The following PHLPP1 variants were observed in gnomAD, a reference collection of about 807,000 sequenced individuals.
PHLPP1 encodes the protein PH domain and leucine rich repeat protein phosphatase 1, also known as PH domain leucine-rich repeat-containing protein phosphatase 1.
In PHLPP1, 42 loss-of-function variants were observed where a neutral mutation model predicts 117.2. The ratio of observed to expected loss-of-function variants is 0.36; its 90% CI spans 0.28 to 0.46. The LOEUF (loss-of-function observed/expected upper bound fraction) is 0.46, where lower values mean the gene tolerates loss of function less well. Ranked by LOEUF, PHLPP1 falls within the 20% of genes least tolerant of loss-of-function variation. The pLI is 1.00. For synonymous variants in PHLPP1, 1,042 were observed against 970.7 expected, an observed-to-expected ratio of 1.07 and a Z score of -1.37; for missense variants, 2,084 against 2,241.9, an observed-to-expected ratio of 0.93 and a Z score of 1.42.
Position 62,943,894 on chromosome 18 carries a change from G to A in PHLPP1, c.3162-1215G>A, listed in dbSNP as rs185956480. On this transcript the variant is annotated intron_variant, in intron 11 of 16. Transcript: ENST00000262719. ...TCATAGATGGATTACTTCATAGTCTGTGTACATATTGTTTGTAGTCTATTC... is the reference window on the plus strand; with the variant it reads ...TCATAGATGGATTACTTCATAGTCTATGTACATATTGTTTGTAGTCTATTC... Among the ~76,000 whole-genome samples, 24 of 152,186 alleles carry A rather than the reference G, an allele frequency of 1.6e-4. No individual in the cohort carries two copies. The East Asian group carries it at 4.4e-3, about 28-fold the overall frequency.
chr18:62,901,901 T>G (rs755491834), intron 6 of PHLPP1, among the ~76,000 whole-genome samples: 14 of 152,192 alleles, frequency 9.2e-5, no homozygotes, highest in Non-Finnish European at 1.5e-4. Flanking sequence ...GTGCTGGGAT[T>G]ACAGGTGTGA....
chr18:62,883,101 A>G (rs1195873654), intron 4 of PHLPP1, among the ~76,000 whole-genome samples: 1 of 152,188 alleles, frequency 6.6e-6, no homozygotes, highest in African/African-American at 2.4e-5. Flanking sequence ...AAAATAAAAT[A>G]TATATACATG....
chr18:62,884,403 G>T (rs549110536), intron 4 of PHLPP1, among the ~76,000 whole-genome samples: 2 of 152,198 alleles, frequency 1.3e-5, no homozygotes, highest in Non-Finnish European at 2.9e-5. Context: ...TTGTTAAAAT[G>T]AGCATTATTG....
chr18:62,841,024 A>C (rs1478765929), intron 3 of PHLPP1, among the ~76,000 whole-genome samples: 1 of 151,262 alleles, frequency 6.6e-6, no homozygotes, highest in East Asian at 2.0e-4. Flanking sequence ...TGAGTAGCTG[A>C]GATTAAAGGC....
chr18:62,805,812 A>T (rs537601643), intron 1 of PHLPP1, among the ~76,000 whole-genome samples: 67 of 151,898 alleles, frequency 4.4e-4, no homozygotes, highest in African/African-American at 1.5e-3. Context: ...TCCTGTGTTA[A>T]TATCTAGGTA....
chr18:62,816,366 C>G (rs967532371), intron 1 of PHLPP1, among the ~76,000 whole-genome samples: 13 of 152,082 alleles, frequency 8.5e-5, no homozygotes, highest in African/African-American at 2.7e-4. Flanking sequence ...GAGTTCAAGA[C>G]CAGCCCAAGT....
chr18:62,929,287 A>T (rs1170445827), intron 10 of PHLPP1, among the ~76,000 whole-genome samples: 1 of 152,208 alleles, frequency 6.6e-6, no homozygotes, highest in Non-Finnish European at 1.5e-5. Flanking sequence ...GTATACACAC[A>T]CCATAAAATT....
At chr18:62,951,627 T>A (rs1910460769) in intron 12 of PHLPP1, among the ~76,000 whole-genome samples, 1 of 152,088 alleles carries the variant, frequency 6.6e-6, no homozygotes, top group Non-Finnish European at 1.5e-5. Flanking sequence ...TTCAAGTCTC[T>A]TTTTCAGTCT....
intron 4 of PHLPP1, among the ~76,000 whole-genome samples, chr18:62,886,195 T>G (rs1468310745): frequency 6.6e-6 from 1 of 152,226 alleles, no homozygotes; most frequent in Non-Finnish European, 1.5e-5. Flanking sequence ...ATCAGCTTGA[T>G]TCTACCATCT....
intron 13 of PHLPP1, among the ~76,000 whole-genome samples, chr18:62,959,945 CCT>C (rs1338740819): frequency 6.6e-6 from 1 of 152,050 alleles, no homozygotes; most frequent in Non-Finnish European, 1.5e-5. Flanking sequence ...ATGTATGAAA[CCT>C]CGGCCTAAAC....
intron 4 of PHLPP1, among the ~76,000 whole-genome samples, chr18:62,883,762 A>G (rs1916221593): frequency 6.6e-6 from 1 of 152,240 alleles, no homozygotes; most frequent in South Asian, 2.1e-4. Context: ...TGGTGCATAT[A>G]CTGTACATTA....
At chr18:62,918,205 C>CAAAA (rs11317555) in intron 9 of PHLPP1, among the ~76,000 whole-genome samples, 8 of 80,620 alleles carry the variant, frequency 9.9e-5, no homozygotes, top group Middle Eastern at 6.8e-3. Context: ...GACTCTGTCT[C>CAAAA]AAAAAAAAAA....
intron 1 of PHLPP1, among the ~76,000 whole-genome samples, chr18:62,818,840 C>T (rs905704102): frequency 5.9e-5 from 9 of 152,188 alleles, no homozygotes; most frequent in African/African-American, 2.2e-4. Context: ...GGTTAACAAC[C>T]TCCTCTTTGC....
chr18:62,919,938 C>A, intron 9 of PHLPP1, 21 bp from the exon 10 acceptor site: 1 of 1,551,920 alleles, frequency 6.4e-7, no homozygotes, highest in Non-Finnish European at 8.7e-7. Context: ...ATTTTTTGGT[C>A]TTTTGTCCCT....
chr18:62,945,998 G>A (rs1910270533), intron 12 of PHLPP1, among the ~76,000 whole-genome samples: 1 of 152,184 alleles, frequency 6.6e-6, no homozygotes, highest in Non-Finnish European at 1.5e-5. Context: ...TTCTGGCAGG[G>A]AAATGGTACA....
intron 16 of PHLPP1, among the ~76,000 whole-genome samples, chr18:62,977,069 G>A (rs910431978): frequency 6.6e-6 from 1 of 152,184 alleles, no homozygotes; most frequent in Non-Finnish European, 1.5e-5. Context: ...ATGCTTTGGG[G>A]ACAGATTATG....
intron 1 of PHLPP1, among the ~76,000 whole-genome samples, chr18:62,788,951 T>A (rs554191230): frequency 1.8e-3 from 274 of 152,142 alleles, no homozygotes; most frequent in African/African-American, 6.4e-3. Context: ...TAAAAAAAAA[T>A]AATAAAACAG....
chr18:62,836,197 A>G (rs1038060267), intron 2 of PHLPP1, among the ~76,000 whole-genome samples: 17 of 151,690 alleles, frequency 1.1e-4, no homozygotes, highest in Admixed American at 5.9e-4. Flanking sequence ...AGCACTTGAG[A>G]GGCTGAGGCG....
In PHLPP1 at chr18:62,978,805, T is replaced by G; in HGVS notation, c.4528T>G (p.Tyr1510Asp). ...PGALSENSPA[Y>D]PSEQRCMLHP... ...AGCCCTAAGCGAGAACAGCCCTGCCTACCCCAGTGAGCAGCGCTGCATGCT... is the reference window on the plus strand; with the variant it reads ...AGCCCTAAGCGAGAACAGCCCTGCCGACCCCAGTGAGCAGCGCTGCATGCT... The change falls in exon 17 of 17, where the codon TAC becomes GAC. Residue 1510 changes from tyrosine (Y) to aspartate (D), a missense_variant. Physicochemically the swap from Tyr to Asp is radical, Grantham distance 160. This residue lies in a region of PHLPP1 where 1,365 missense variants were observed against 1,605.9 expected (regional missense o/e 0.85). Coordinates refer to ENST00000262719, the MANE Select transcript of PHLPP1 (RefSeq NM_194449.4). This position sits in a 1 kb window ranked among gnomAD's most constrained non-coding sequence, Gnocchi z 7.0. 2.5e-6 allele frequency: 4 copies of G among 1,611,966 alleles called. No individual in the cohort carries two copies. The highest frequency in any genetic ancestry group is 3.4e-6 in the Non-Finnish European group (4 of 1,179,142).
Sources: gnomAD v4.1 joint callset for allele counts (sites outside exome capture counted in the v4.1 genomes callset) on GRCh38, gnomAD v4.1.1 for gene constraint, gnomAD v4.1.1 regional missense constraint, Gnocchi (gnomAD v3.1) non-coding constraint, MANE v1.5 for transcripts, NCBI Gene and HGNC (gene_info 2026-07-23, HGNC 2026-07-21) for gene names.